GPC2: variants seen among roughly 807,000 people sequenced by gnomAD.
GPC2 encodes glypican-2.
Under a neutral mutation model 57.3 loss-of-function variants are expected in GPC2, and 42 were observed. The ratio of observed to expected loss-of-function variants is 0.73; its 90% confidence interval spans 0.57 to 0.95. GPC2 has a LOEUF of 0.95. GPC2 is among the 40% of genes least tolerant of loss of function. The pLI is 0.00. For missense variants in GPC2, 745 were observed against 793.6 expected (o/e 0.94, Z 0.74); for synonymous variants, 364 against 343.4 (o/e 1.06, Z -0.66).
intron 1 of GPC2, 128 bp from the exon 2 acceptor site, chr7:100,176,493 C>T: frequency 1.2e-6 from 1 of 852,274 alleles, no homozygotes; most frequent in Non-Finnish European, 1.8e-6. Context: ...TCTGCACCCT[C>T]TTCCCTACCT....
Position 100,177,378 on chromosome 7 carries a change from G to A in GPC2, c.-179C>T. ...CAGGCGGCATCTGCCGAGACAATGGGAGCGGGGAGCCGGACAGGGGGCGGG... is the reference window on the plus strand; with the variant it reads ...CAGGCGGCATCTGCCGAGACAATGGAAGCGGGGAGCCGGACAGGGGGCGGG... On this transcript the variant is annotated 5_prime_UTR_variant, in exon 1 of 10. Coordinates refer to ENST00000292377, the MANE Select transcript of GPC2 (RefSeq NM_152742.3). The A allele has an allele frequency of 1.9e-6, 1 of 515,834 alleles. No individual in the cohort carries two copies. The highest frequency in any genetic ancestry group is 3.2e-6 in the Non-Finnish European group (1 of 309,966). The allele number at this position is 515,834 out of a possible 1,614,324, so 32.0% of individuals were successfully genotyped here.
Position 100,170,033 on chromosome 7 carries a change from C to A in GPC2, c.*197G>T. The A allele has an allele frequency of 2.0e-6, 1 of 510,786 alleles. No individual in the cohort carries two copies. The highest frequency in any genetic ancestry group is 3.4e-6 in the Non-Finnish European group (1 of 294,234). The allele number at this position is 510,786 out of a possible 1,614,324, so 31.6% of individuals were successfully genotyped here. ...TACCCCCAGGCCCCCCTCCCATTAC[C>A]AAATGAAAAAATAAATATTGTGAAC... On this transcript the variant is annotated 3_prime_UTR_variant, in exon 10 of 10. Transcript: ENST00000292377.
chr7:100,174,024 C>T, intron 4 of GPC2, 27 bp from the exon 5 acceptor site: 1 of 1,513,564 alleles, frequency 6.6e-7, no homozygotes, highest in South Asian at 1.3e-5. Context: ...GGGCTGTGTC[C>T]TCCACAAACG....
At position 100,176,193 on chromosome 7, in the gene GPC2, C is replaced by T; in HGVS notation, c.325+14G>A. On this transcript the variant is annotated intron_variant, in intron 2 of 9. Coordinates refer to ENST00000292377, the MANE Select transcript of GPC2 (RefSeq NM_152742.3). ...GGAGCTGTGAAGCTGAGTTTGGGGA[C>T]CCCAGGTCCTCACCATCAAATTTTC... The T allele has an allele frequency of 6.3e-7, 1 of 1,590,386 alleles. No individual in the cohort carries two copies. Among genetic ancestry groups the T allele is most frequent in the Non-Finnish European group, 8.6e-7 (1 of 1,167,240 alleles).
Position 100,172,723 on chromosome 7 carries a change from G to A in GPC2, c.893-506C>T, listed in dbSNP as rs1294928627. ...CGTGTATATATATGTATATATACAC[G>A]TATATATATGTGTATATATATGTGT... On this transcript the variant is annotated intron_variant, in intron 5 of 9. Coordinates refer to ENST00000292377, the MANE Select transcript of GPC2 (RefSeq NM_152742.3). Among the ~76,000 whole-genome samples the A allele has an allele frequency of 2.5e-4, 27 of 108,364 alleles. No individual in the cohort carries two copies. The East Asian group carries it at 7.8e-3, about 31-fold the overall frequency. The allele number at this position is 108,364 out of a possible 152,430, so 71.1% of individuals were successfully genotyped here.
At chr7:100,170,723 G>GA (rs958823035) in intron 9 of GPC2, among the ~76,000 whole-genome samples, 32 of 147,696 alleles carry the variant, frequency 2.2e-4, no homozygotes, top group African/African-American at 4.2e-4. Context: ...GAGACAGAGA[G>GA]AAAAAAAAAC....
At position 100,174,810 on chromosome 7, in the gene GPC2, G is replaced by A. The variant is rs763981032; in HGVS notation, c.649-45C>T. On this transcript the variant is annotated intron_variant, in intron 3 of 9. Transcript: ENST00000292377. ...GTGAGAAAAACCACAAGGTTGTTATGGGTCAGTCAAGACTGGAGCCAAGAG... is the reference window on the plus strand; with the variant it reads ...GTGAGAAAAACCACAAGGTTGTTATAGGTCAGTCAAGACTGGAGCCAAGAG... 4.1e-6 allele frequency: 6 copies of A among 1,473,846 alleles called. No homozygotes were observed. In the South Asian group the frequency reaches 6.9e-5, roughly 17 times the overall value. 91.3% of individuals were successfully genotyped at this position (1,473,846 alleles called of 1,614,324 possible).
At position 100,170,197 on chromosome 7, in the gene GPC2, G is replaced by A; in HGVS notation, c.*33C>T. On this transcript the variant is annotated 3_prime_UTR_variant, in exon 10 of 10. Coordinates refer to ENST00000292377, the MANE Select transcript of GPC2 (RefSeq NM_152742.3). The stretch of plus-strand genomic sequence containing the variant: ...AGGGGGGAGGAGGGGAAAGGGCCAT[G>A]AACCCTTCTGATGCTAGGGCACCCC... 4 of 1,524,036 alleles carry A rather than the reference G, an allele frequency of 2.6e-6. No homozygotes were observed. Among genetic ancestry groups the A allele is most frequent in the Non-Finnish European group, 2.7e-6 (3 of 1,131,466 alleles). 94.4% of individuals were successfully genotyped at this position (1,524,036 alleles called of 1,614,324 possible).
At chr7:100,170,539 AGG>A in intron 9 of GPC2, 56 bp from the exon 10 acceptor site, 9 of 1,375,232 alleles carry the variant, frequency 6.5e-6, no homozygotes, top group Non-Finnish European at 8.6e-6. Flanking sequence ...AGGGAGACAG[AGG>A]GAGGAAAAGA....
chr7:100,171,479 CCCCGCCCCTCCCGGCCGCGGT>C lies in GPC2; in HGVS notation c.1310+39_1311-44del, dbSNP rs747334981. The C allele has an allele frequency of 7.4e-7, 1 of 1,350,492 alleles. No homozygotes were observed. The highest frequency in any genetic ancestry group is 3.1e-5 in the East Asian group (1 of 32,284). 83.7% of individuals were successfully genotyped at this position (1,350,492 alleles called of 1,614,324 possible). The stretch of plus-strand genomic sequence containing the variant: ...CCGAAGCGCCAGCTAGCGCGCGCGG[CCCCGCCCCTCCCGGCCGCGGT>C]CCCGCCCCCTGCTGCCCCCCGACGC... On this transcript the variant is annotated intron_variant, in intron 8 of 9. Coordinates refer to ENST00000292377, the MANE Select transcript of GPC2 (RefSeq NM_152742.3). This position sits in a 1 kb window ranked among gnomAD's most constrained non-coding sequence, Gnocchi z 4.8.
At position 100,172,098 on chromosome 7, in the gene GPC2, C is replaced by T. The variant is rs1349295550; in HGVS notation, c.1012G>A (p.Val338Met). 2 of 1,614,016 alleles carry T rather than the reference C, an allele frequency of 1.2e-6. No homozygotes were observed. Among genetic ancestry groups the T allele is most frequent in the African/African-American group, 1.3e-5 (1 of 74,988 alleles). ...TCTCTCCCCTGTACCTGGGCGGACA[C>T]CTTCGCACTGTTTTCCTGCAGGTAC... Reference protein sequence around the residue: ...LMYLQENSAKVSAQVFQECGP... With the variant: ...LMYLQENSAKMSAQVFQECGP... Residue 338 changes from valine (V) to methionine (M), a missense_variant, in exon 6 of 10, where the codon GTG (valine) becomes ATG (methionine). Around this residue, in one of 2 missense-constraint regions of GPC2, gnomAD observed 607 missense variants for 603.9 expected, o/e 1.01. Transcript: ENST00000292377.
At chr7:100,173,137 G>A (rs912636306) in intron 5 of GPC2, among the ~76,000 whole-genome samples, 5 of 152,072 alleles carry the variant, frequency 3.3e-5, no homozygotes, top group Non-Finnish European at 5.9e-5. Flanking sequence ...CTCCCAAAGT[G>A]CTGGGATTAC....
chr7:100,175,394 C>T (rs1042205455), intron 3 of GPC2, among the ~76,000 whole-genome samples, 178 bp downstream of exon 3: 1 of 152,004 alleles, frequency 6.6e-6, no homozygotes, highest in Non-Finnish European at 1.5e-5. Context: ...GGCACTGGGT[C>T]GGGCAGTGGT....
rs753178254 is a variant in GPC2, at chr7:100,170,321, C to T, written c.1649G>A (p.Arg550Gln). Residue 550 changes from arginine to glutamine, a missense_variant, in exon 10 of 10, where the codon CGG becomes CAG. Arg to Gln is a conservative substitution (Grantham distance 43). Coordinates refer to ENST00000292377, the MANE Select transcript of GPC2 (RefSeq NM_152742.3). ...GGGSARYNQGRSRSGGASIGF... is the reference protein window; with the variant it reads ...GGGSARYNQGQSRSGGASIGF... ...AATAGATGCCCCCCCACTCCTGCTC[C>T]GGCCCTGGTTGTAGCGGGCACTGCC... 2.4e-5 allele frequency: 39 copies of T among 1,611,724 alleles called. No homozygotes were observed. Among genetic ancestry groups the T allele is most frequent in the Middle Eastern group, 3.3e-4 (2 of 6,084 alleles).
intron 5 of GPC2, among the ~76,000 whole-genome samples, chr7:100,172,649 A>ATATGTGTGTGTGTATATATATATATGTG (rs776660460): frequency 8.5e-6 from 1 of 118,144 alleles, no homozygotes; most frequent in Non-Finnish European, 1.6e-5. Context: ...ATATATATAT[A>ATATGTGTGTGTGTATATATATATATGTG]TGTGTGTGTG....
intron 1 of GPC2, 77 bp from the exon 2 acceptor site, chr7:100,176,442 A>T (rs769921532): frequency 3.6e-6 from 5 of 1,378,950 alleles, no homozygotes; most frequent in African/African-American, 1.4e-5. Flanking sequence ...ATCTCTGGGG[A>T]CTATGCCTTC....
chr7:100,176,769 C>A (rs1464963528), intron 1 of GPC2, among the ~76,000 whole-genome samples: 3 of 152,066 alleles, frequency 2.0e-5, no homozygotes, highest in Non-Finnish European at 4.4e-5. Context: ...GCGAGGAGAA[C>A]ATGGCTGTGA....
Position 100,172,047 on chromosome 7 carries a change from C to A in GPC2, c.1023+40G>T, listed in dbSNP as rs1464618634. ...CTGCCTCTCTGACACCCACACCGTC[C>A]CCGCCCCGGGCCTCACCTCCACCCT... On this transcript the variant is annotated intron_variant, in intron 6 of 9. Coordinates refer to ENST00000292377, the MANE Select transcript of GPC2 (RefSeq NM_152742.3). The A allele has an allele frequency of 1.9e-6, 3 of 1,611,482 alleles. No individual in the cohort carries two copies. The South Asian group carries it at 3.3e-5, about 18-fold the overall frequency.
Position 100,174,641 on chromosome 7 carries a change from C to T in GPC2, c.729+44G>A, listed in dbSNP as rs368834094. 4.2e-6 allele frequency: 6 copies of T among 1,436,178 alleles called. No homozygotes were observed. The East Asian group carries it at 1.1e-4, about 27-fold the overall frequency. 89.0% of individuals were successfully genotyped at this position (1,436,178 alleles called of 1,614,324 possible). On this transcript the variant is annotated intron_variant, in intron 4 of 9. Transcript: ENST00000292377. ...CCTTGTGGGGTCTCTCTCACTTCCA[C>T]CTCTCCCTCCCTGGGCCCTGCCCAT...
Sources: allele counts gnomAD v4.1 joint callset (sites outside exome capture counted in the v4.1 genomes callset), GRCh38; gene constraint gnomAD v4.1.1; regional missense constraint gnomAD v4.1.1; non-coding constraint Gnocchi (gnomAD v3.1); transcripts MANE v1.5; gene names NCBI Gene and HGNC (gene_info 2026-07-23, HGNC 2026-07-21).